Variants in CUX1 observed in about 807,000 individuals in gnomAD.
The protein encoded by CUX1 is protein CASP.
In CUX1, 31 loss-of-function variants were observed where a neutral mutation model predicts 158.8. That is an observed-to-expected ratio of 0.20 (90% CI 0.15 to 0.26). The LOEUF is 0.26. CUX1 is among the 10% of genes least tolerant of loss of function. CUX1 has a pLI of 1.00. For missense variants in CUX1, 1,589 were observed against 2,014.6 expected, an observed-to-expected ratio of 0.79 and a Z score of 4.04; for synonymous variants, 879 against 862.1, an observed-to-expected ratio of 1.02 and a Z score of -0.34.
At chr7:102,268,682 T>C (rs1790983855) in intron 14 of CUX1, among the ~76,000 whole-genome samples, 1 of 152,152 alleles carries the variant, frequency 6.6e-6, no homozygotes. Flanking sequence ...CTGCAGGCTG[T>C]ACCAGAAGCG....
At chr7:101,965,906 A>G (rs540578739) in intron 2 of CUX1, among the ~76,000 whole-genome samples, 3 of 150,202 alleles carry the variant, frequency 2.0e-5, no homozygotes, top group African/African-American at 4.8e-5. Flanking sequence ...GGTTGAAGAG[A>G]TAGCTAAAGG....
chr7:102,227,951 C>CTTTT (rs781968632), intron 21 of CUX1, among the ~76,000 whole-genome samples: 20 of 117,314 alleles, frequency 1.7e-4, no homozygotes, highest in Admixed American at 4.1e-4. Context: ...TCTTTTTTTT[C>CTTTT]TTTTTTTTTT....
chr7:101,904,457 G>A (rs1465930719), intron 1 of CUX1, among the ~76,000 whole-genome samples: 1 of 152,146 alleles, frequency 6.6e-6, no homozygotes, highest in Non-Finnish European at 1.5e-5. Flanking sequence ...CCATGGAAAG[G>A]CCGCAGCTTG....
intron 20 of CUX1, among the ~76,000 whole-genome samples, chr7:102,211,364 T>C (rs1460343812): frequency 3.9e-5 from 6 of 152,048 alleles, no homozygotes; most frequent in African/African-American, 1.4e-4. Flanking sequence ...GAGTATCACT[T>C]GAACCCAGGA....
rs548161853 is a variant in CUX1 at position 102,005,795 on chromosome 7, C to T, written c.142-22303C>T. 3.3e-5 allele frequency among the ~76,000 whole-genome samples: 5 copies of T among 152,310 alleles called. No individual in the cohort carries two copies. In the East Asian group the frequency reaches 5.8e-4, roughly 18 times the overall value. ...CTGGAAAGACCTGGAAAGATCACAT[C>T]CTTCTGGGAACCTGCTTCTGGAGGC... On this transcript the variant is annotated intron_variant, in intron 2 of 23. Transcript: ENST00000292535.
In CUX1 at chr7:102,193,967, A is replaced by G. The variant is rs1379650868; in HGVS notation, c.1125+77A>G. The G allele has an allele frequency of 4.1e-5, 58 of 1,401,860 alleles. 3 individuals carry two copies. The Admixed American group carries it at 8.4e-4, about 20-fold the overall frequency. 86.8% of individuals were successfully genotyped at this position (1,401,860 alleles called of 1,614,324 possible). On this transcript the variant is annotated intron_variant, in intron 13 of 23. Coordinates refer to ENST00000292535, the MANE Select transcript of CUX1 (RefSeq NM_181552.4). ...ACCACTGGTCCCTCCGGCATATCCC[A>G]TGATCCACTGTTTCTACGAGACCTC... is the stretch of plus-strand genomic sequence containing the variant.
intron 6 of CUX1, among the ~76,000 whole-genome samples, chr7:102,107,457 T>G (rs1299195632): frequency 2.0e-5 from 3 of 152,160 alleles, no homozygotes; most frequent in African/African-American, 7.2e-5. Context: ...GGAGAATTGC[T>G]TGAACCCAGG....
chr7:102,133,172 A>G (rs1554497899), intron 8 of CUX1, among the ~76,000 whole-genome samples: 3 of 152,258 alleles, frequency 2.0e-5, no homozygotes, highest in Admixed American at 1.3e-4. Flanking sequence ...GTCCAAAATC[A>G]CAGCATGATG....
chr7:102,034,145 C>CAAAAAAA (rs10655613), intron 3 of CUX1, among the ~76,000 whole-genome samples: 7,844 of 48,492 alleles, frequency 0.16, 2,438 homozygotes, highest in Middle Eastern at 0.26. Context: ...GACTCCATCT[C>CAAAAAAA]AAAAAAAAAA....
chr7:102,208,186 T>C (rs1013567042), intron 20 of CUX1, among the ~76,000 whole-genome samples: 1 of 151,402 alleles, frequency 6.6e-6, no homozygotes, highest in African/African-American at 2.4e-5. Context: ...AGACCCTGTC[T>C]CAAAAAAAAA....
intron 1 of CUX1, among the ~76,000 whole-genome samples, chr7:101,863,352 T>C (rs374174845): frequency 1.0e-3 from 158 of 150,614 alleles, no homozygotes; most frequent in South Asian, 1.9e-3. Flanking sequence ...TTTTTTTTTT[T>C]TTCTTCTTTT....
At chr7:102,204,349 A>G in intron 18 of CUX1, 42 bp from the exon 19 acceptor site, 1 of 1,605,684 alleles carries the variant, frequency 6.2e-7, no homozygotes. Context: ...TGTCATGCTA[A>G]TAGCCAGGCA....
At chr7:102,097,929 ATGCT>A (rs1201961872) in intron 5 of CUX1, among the ~76,000 whole-genome samples, 1 of 152,256 alleles carries the variant, frequency 6.6e-6, no homozygotes, top group Non-Finnish European at 1.5e-5. Context: ...TAAAGGCTGC[ATGCT>A]TAAGCCCCGC....
intron 9 of CUX1, among the ~76,000 whole-genome samples, chr7:102,161,909 G>T (rs1790465425): frequency 6.6e-6 from 1 of 152,122 alleles, no homozygotes; most frequent in Non-Finnish European, 1.5e-5. Context: ...CGCCCAGCCG[G>T]AAATTCCATT....
In CUX1 at chr7:102,255,408, A is replaced by T. The variant is rs1335836488; in HGVS notation, c.*6366A>T. ...CCCAAAAAAAAAAAAAGACAAAAAA[A>T]AAAGGCTGGCGAGAGAAAGACATTT... On this transcript the variant is annotated 3_prime_UTR_variant, in exon 24 of 24. Transcript: ENST00000292535. The T allele has an allele frequency of 1.0e-6, 1 of 985,186 alleles. No homozygotes were observed. The highest frequency in any genetic ancestry group is 1.2e-6 in the Non-Finnish European group (1 of 829,906). 61.0% of individuals were successfully genotyped at this position (985,186 alleles called of 1,614,324 possible). A position where few individuals can be genotyped will look rare whatever the true frequency, so the allele number is the denominator to read the frequency against.
intron 14 of CUX1, among the ~76,000 whole-genome samples, chr7:102,267,477 A>G (rs1401637301): frequency 2.0e-5 from 3 of 152,100 alleles, no homozygotes; most frequent in African/African-American, 7.2e-5. Flanking sequence ...GAGGTTGCAG[A>G]GAGCCGAGAT....
intron 2 of CUX1, among the ~76,000 whole-genome samples, chr7:102,020,893 A>G (rs1013957656): frequency 2.6e-5 from 4 of 151,980 alleles, no homozygotes; most frequent in Non-Finnish European, 2.9e-5. Flanking sequence ...AAAAAAAAAA[A>G]AAAAGAAATT....
chr7:101,949,673 G>A (rs1443338938), intron 2 of CUX1, among the ~76,000 whole-genome samples: 3 of 151,938 alleles, frequency 2.0e-5, no homozygotes, highest in African/African-American at 7.3e-5. Flanking sequence ...TGGGATTATA[G>A]GTACACATCA....
chr7:102,000,452 G>A (rs1816557718), intron 2 of CUX1, among the ~76,000 whole-genome samples: 1 of 152,192 alleles, frequency 6.6e-6, no homozygotes, highest in East Asian at 1.9e-4. Flanking sequence ...AAGGAAGATC[G>A]CATCTTGAGT....
Sources: allele counts gnomAD v4.1 joint callset (sites outside exome capture counted in the v4.1 genomes callset), GRCh38; gene constraint gnomAD v4.1.1; transcripts MANE v1.5; gene names NCBI Gene and HGNC (gene_info 2026-07-23, HGNC 2026-07-21).